TBL1XR1: variants seen among roughly 807,000 people sequenced by gnomAD.
TBL1XR1 encodes the protein TBL1X/Y related 1.
TBL1XR1 carries 5 observed loss-of-function variants against 66.9 expected under a neutral mutation model. The ratio of observed to expected loss-of-function variants is 0.07; its 90% CI spans 0.04 to 0.16. TBL1XR1 has a LOEUF of 0.16. Ranked by LOEUF, TBL1XR1 falls within the 10% of genes least tolerant of loss-of-function variation. The pLI is 1.00. For missense variants in TBL1XR1, 238 were observed against 623.2 expected (o/e 0.38, Z 6.58); for synonymous variants, 210 against 206.0 (o/e 1.02, Z -0.17).
upstream of TBL1XR1, chr3:177,201,787 T>C (rs1737345141): frequency 1.3e-5 from 2 of 152,346 alleles, no homozygotes; most frequent in South Asian, 4.1e-4. Flanking sequence ...CCAGGCGTCT[T>C]GCTGATACTC....
chr3:177,153,132 C>T (rs1731092262), intron 1 of TBL1XR1, among the ~76,000 whole-genome samples: 1 of 151,860 alleles, frequency 6.6e-6, no homozygotes, highest in South Asian at 2.1e-4. Flanking sequence ...GAAATAGTGT[C>T]TCAAAAATAA....
intron 1 of TBL1XR1, among the ~76,000 whole-genome samples, chr3:177,110,012 T>C (rs1433715232): frequency 2.0e-5 from 3 of 152,214 alleles, no homozygotes; most frequent in Non-Finnish European, 4.4e-5. Flanking sequence ...TCATTTATGT[T>C]TTAGTTACTC....
chr3:177,181,534 G>A (rs965914829), intron 1 of TBL1XR1, among the ~76,000 whole-genome samples: 5 of 151,756 alleles, frequency 3.3e-5, no homozygotes, highest in East Asian at 3.9e-4. Flanking sequence ...TAGAAAACAC[G>A]GGAAAATACA....
At chr3:177,135,191 G>A (rs1728786032) in intron 1 of TBL1XR1, among the ~76,000 whole-genome samples, 1 of 149,614 alleles carries the variant, frequency 6.7e-6, no homozygotes, top group Non-Finnish European at 1.5e-5. Context: ...TAGTAGAGAT[G>A]GGGTTTCGCC....
intron 2 of TBL1XR1, among the ~76,000 whole-genome samples, chr3:177,090,694 C>T (rs533705853): frequency 6.6e-6 from 1 of 152,194 alleles, no homozygotes; most frequent in South Asian, 2.1e-4. Flanking sequence ...ACCTGTAGTT[C>T]CAGTTGCCCA....
intron 1 of TBL1XR1, among the ~76,000 whole-genome samples, chr3:177,160,107 C>G (rs763207327): frequency 6.6e-6 from 1 of 152,046 alleles, no homozygotes; most frequent in Non-Finnish European, 1.5e-5. Context: ...AGTACTTTCT[C>G]AAGAAGCTCA....
chr3:177,116,582 T>C (rs1726335346), intron 1 of TBL1XR1, among the ~76,000 whole-genome samples: 1 of 152,212 alleles, frequency 6.6e-6, no homozygotes, highest in Non-Finnish European at 1.5e-5. Flanking sequence ...TCTTGAAAGA[T>C]GCCTTATCCA....
chr3:177,102,259 T>C (rs536102595), intron 1 of TBL1XR1, among the ~76,000 whole-genome samples: 1 of 152,350 alleles, frequency 6.6e-6, no homozygotes, highest in Non-Finnish European at 1.5e-5. Flanking sequence ...AGTGATTTAA[T>C]AGTTGATGAC....
intron 6 of TBL1XR1, 148 bp downstream of exon 6, chr3:177,050,330 C>A: frequency 8.0e-7 from 1 of 1,244,958 alleles, no homozygotes; most frequent in Non-Finnish European, 1.1e-6. Context: ...ATTAAAAATT[C>A]TACAATTACT....
At chr3:177,071,037 T>TG (rs1246320580) in intron 2 of TBL1XR1, among the ~76,000 whole-genome samples, 1 of 144,028 alleles carries the variant, frequency 6.9e-6, no homozygotes, top group East Asian at 2.1e-4. Context: ...ATCTGTTTTT[T>TG]TTTTTTTTTT....
chr3:177,064,987 C>T lies in TBL1XR1; in HGVS notation c.-10G>A. ...CACTGCTTATACTCATCTTTATTCC[C>T]ACTTAAACCATGAGGTCACAACACA... On this transcript the variant is annotated 5_prime_UTR_variant, in exon 3 of 16. An upstream open reading frame in the 5' UTR gains an earlier in-frame stop. Coordinates refer to ENST00000457928, the MANE Select transcript of TBL1XR1 (RefSeq NM_024665.7). The T allele has an allele frequency of 6.5e-7, 1 of 1,528,568 alleles. No individual in the cohort carries two copies. The highest frequency in any genetic ancestry group is 8.8e-7 in the Non-Finnish European group (1 of 1,139,768). 94.7% of individuals were successfully genotyped at this position (1,528,568 alleles called of 1,614,324 possible).
intron 2 of TBL1XR1, among the ~76,000 whole-genome samples, chr3:177,074,410 A>G (rs1166215739): frequency 2.0e-5 from 3 of 152,204 alleles, no homozygotes; most frequent in Non-Finnish European, 1.5e-5. Context: ...CAACCTCTTT[A>G]CCAACAGGAA....
intron 2 of TBL1XR1, among the ~76,000 whole-genome samples, chr3:177,082,445 A>G (rs995074402): frequency 6.6e-6 from 1 of 151,770 alleles, no homozygotes; most frequent in Non-Finnish European, 1.5e-5. Flanking sequence ...TTTTGATACT[A>G]ATATTTACTT....
In TBL1XR1 at chr3:177,128,474, C is replaced by A. The variant is rs76602357; in HGVS notation, c.-121-29933G>T. On this transcript the variant is annotated intron_variant, in intron 1 of 15. Transcript: ENST00000457928. ...CTGCAGCCTGGATCTCTCAAGCTCA[C>A]GCGATCATCTCACCTCAGTCCCCCA... 6.2e-4 allele frequency among the ~76,000 whole-genome samples: 94 copies of A among 152,218 alleles called. 3 individuals are homozygous for A. The East Asian group carries it at 0.018, about 29-fold the overall frequency.
At chr3:177,160,599 G>A (rs1425710973) in intron 1 of TBL1XR1, among the ~76,000 whole-genome samples, 1 of 152,012 alleles carries the variant, frequency 6.6e-6, no homozygotes, top group Non-Finnish European at 1.5e-5. Context: ...CTTGCACTGG[G>A]TTTGATGGGA....
At chr3:177,109,736 A>G (rs996016752) in intron 1 of TBL1XR1, among the ~76,000 whole-genome samples, 2 of 152,098 alleles carry the variant, frequency 1.3e-5, no homozygotes, top group South Asian at 2.1e-4. Context: ...TGAAAAAAGA[A>G]AAAGTCCAAG....
At chr3:177,076,628 T>C (rs1204737541) in intron 2 of TBL1XR1, among the ~76,000 whole-genome samples, 1 of 152,188 alleles carries the variant, frequency 6.6e-6, no homozygotes, top group Non-Finnish European at 1.5e-5. Context: ...TTCCATGCTG[T>C]AGAAGACAGG....
chr3:177,044,617 A>G (rs1482331525), intron 10 of TBL1XR1, among the ~76,000 whole-genome samples: 1 of 152,212 alleles, frequency 6.6e-6, no homozygotes, highest in African/African-American at 2.4e-5. Context: ...ATGTCAAAAT[A>G]TATCAAATGG....
intron 1 of TBL1XR1, among the ~76,000 whole-genome samples, chr3:177,192,572 C>T (rs1288871691): frequency 6.6e-6 from 1 of 152,108 alleles, no homozygotes; most frequent in Non-Finnish European, 1.5e-5. Context: ...CCTTAAACCA[C>T]AACTTTTTAA....
Sources: allele counts gnomAD v4.1 joint callset (sites outside exome capture counted in the v4.1 genomes callset), GRCh38; gene constraint gnomAD v4.1.1; transcripts MANE v1.5; gene names NCBI Gene and HGNC (gene_info 2026-07-23, HGNC 2026-07-21).